The following ZNF445 variants were observed in gnomAD, a reference collection of about 807,000 sequenced individuals.
ZNF445 encodes the protein zinc finger protein 168.
Under a neutral mutation model 93.9 loss-of-function variants are expected in ZNF445, and 19 were observed. The observed-to-expected ratio is 0.20, with a 90% CI of 0.14 to 0.30. The LOEUF is 0.30. Ranked by LOEUF, ZNF445 falls within the 10% of genes least tolerant of loss-of-function variation. ZNF445 has a pLI of 1.00. For missense variants in ZNF445, 1,058 were observed against 1,259.4 expected (o/e 0.84, Z 2.42); for synonymous variants, 449 against 446.3 (o/e 1.01, Z -0.08).
chr3:44,476,052 G>T (rs1431393338), intron 1 of ZNF445, among the ~76,000 whole-genome samples: 2 of 151,982 alleles, frequency 1.3e-5, no homozygotes, highest in African/African-American at 4.8e-5. Flanking sequence ...TTTAAGAATA[G>T]GAAGGAAAAA....
In ZNF445 at chr3:44,451,339, T is replaced by C. The variant is rs368891546; in HGVS notation, c.573A>G (p.Ala191=). Residue 191 remains alanine, a synonymous_variant, in exon 4 of 8, where the codon GCA becomes GCG. Transcript: ENST00000396077. ...CGGATTGCCCAGCCAGGAAGTCACG[T>C]GCTTCTATTTCATAGGGAGGCTCCA... is the stretch of plus-strand genomic sequence containing the variant. ...DHLEPPYEIE[A]RDFLAGQSDT... 6.2e-7 allele frequency: 1 copy of C among 1,613,854 alleles called. No individual in the cohort carries two copies. Among genetic ancestry groups the C allele is most frequent in the Non-Finnish European group, 8.5e-7 (1 of 1,179,844 alleles).
intron 3 of ZNF445, among the ~76,000 whole-genome samples, chr3:44,454,179 G>A (rs1313428316): frequency 2.0e-5 from 3 of 151,398 alleles, no homozygotes; most frequent in South Asian, 4.2e-4. Context: ...AGCTGGGAGT[G>A]GTGGGGTATG....
chr3:44,473,198 C>T (rs1698295454), intron 1 of ZNF445, among the ~76,000 whole-genome samples: 2 of 152,144 alleles, frequency 1.3e-5, no homozygotes, highest in South Asian at 4.1e-4. Flanking sequence ...TGGCTCACAC[C>T]TGTAATCCCA....
At position 44,466,304 on chromosome 3, in the gene ZNF445, T is replaced by C. The variant is rs934133502; in HGVS notation, c.-268-7940A>G. On this transcript the variant is annotated intron_variant, in intron 1 of 7. Coordinates refer to ENST00000396077, the MANE Select transcript of ZNF445 (RefSeq NM_181489.6). The stretch of plus-strand genomic sequence containing the variant: ...ACTTGACAAACTTTCCAAAATCAAA[T>C]TATAAATTATGTCTCTTTCTAACCT... Among the ~76,000 whole-genome samples, 5 of 152,190 alleles carry C rather than the reference T, an allele frequency of 3.3e-5. 1 individual carries two copies. Among genetic ancestry groups the C allele is most frequent in the South Asian group, 4.1e-4 (2 of 4,834 alleles).
Position 44,446,499 on chromosome 3 carries a change from T to A in ZNF445, c.*76A>T. The A allele has an allele frequency of 6.4e-7, 1 of 1,574,582 alleles. No homozygotes were observed. Among genetic ancestry groups the A allele is most frequent in the East Asian group, 2.2e-5 (1 of 44,626 alleles). On this transcript the variant is annotated 3_prime_UTR_variant, in exon 8 of 8. Transcript: ENST00000396077. This position sits in a 1 kb window ranked among gnomAD's most constrained non-coding sequence, Gnocchi z 4.2. Reference sequence around the variant, plus strand: ...GGGCTGGGCCCTTTATCAAAGTTACTCCACAATGCCTATAATTAAGGGTTC... The same window carrying A: ...GGGCTGGGCCCTTTATCAAAGTTACACCACAATGCCTATAATTAAGGGTTC...
Position 44,447,059 on chromosome 3 carries a change from T to C in ZNF445, c.2612A>G (p.Asn871Ser). The C allele has an allele frequency of 6.2e-7, 1 of 1,614,224 alleles. No individual in the cohort carries two copies. The highest frequency in any genetic ancestry group is 8.5e-7 in the Non-Finnish European group (1 of 1,180,034). The change falls in exon 8 of 8, where the codon AAT (asparagine) becomes AGT (serine). Residue 871 changes from asparagine to serine, a missense_variant. Asn to Ser is a conservative substitution (Grantham distance 46). Around this residue, in one of 3 missense-constraint regions of ZNF445, gnomAD observed 387 missense variants for 475.7 expected, o/e 0.81. Coordinates refer to ENST00000396077, the MANE Select transcript of ZNF445 (RefSeq NM_181489.6). The surrounding 1 kb of genome is among the most constrained non-coding windows in gnomAD (Gnocchi z 4.7). ...IHSGEKRYKC[N>S]LCGKSYDRNY... is the part of the protein sequence containing the mutation. The stretch of plus-strand genomic sequence containing the variant: ...TCTATCATAAGATTTCCCACATAGA[T>C]TACATTTATAGCGCTTCTCTCCACT...
rs1029570898 is a variant in ZNF445, at chr3:44,437,093, A to G, written c.*9482T>C. The G allele has an allele frequency of 4.6e-5, 7 of 152,150 alleles. No homozygotes were observed. Among genetic ancestry groups the G allele is most frequent in the African/African-American group, 1.7e-4 (7 of 41,442 alleles). 9.4% of individuals were successfully genotyped at this position (152,150 alleles called of 1,614,324 possible). A position where few individuals can be genotyped will look rare whatever the true frequency, so the allele number is the denominator to read the frequency against. On this transcript the variant is annotated 3_prime_UTR_variant, in exon 8 of 8. Coordinates refer to ENST00000396077, the MANE Select transcript of ZNF445 (RefSeq NM_181489.6). ...TTGTCTATTTTATGGTTTCTTGATG[A>G]TATGCTAAACAAGGGGTGGATTATT...
rs1697767518 is a variant in ZNF445, at chr3:44,439,625, C to G, written c.*6950G>C. On this transcript the variant is annotated 3_prime_UTR_variant, in exon 8 of 8. Coordinates refer to ENST00000396077, the MANE Select transcript of ZNF445 (RefSeq NM_181489.6). ...GTCTGAGTTCAGCTCCACAAGGTCC[C>G]TCTTCCAATCTCCCACCTTTCAACA... 1 of 152,308 alleles carries G rather than the reference C, an allele frequency of 6.6e-6. No homozygotes were observed. The highest frequency in any genetic ancestry group is 2.4e-5 in the African/African-American group (1 of 41,466). The allele number at this position is 152,308 out of a possible 1,614,324, so 9.4% of individuals were successfully genotyped here.
chr3:44,449,654 G>A, intron 6 of ZNF445, 31 bp from the exon 7 acceptor site: 1 of 1,553,760 alleles, frequency 6.4e-7, no homozygotes, highest in East Asian at 2.2e-5. Flanking sequence ...GCATGAGAAG[G>A]GAGATGGATG....
Position 44,435,265 on chromosome 3 carries a change from T to C in ZNF445, c.*11310A>G, listed in dbSNP as rs1252240952. ...ATTTGAGAGCCATTCTCCCATCTCC[T>C]CACTGGACAGCCTTGTGAATAATTC... On this transcript the variant is annotated 3_prime_UTR_variant, in exon 8 of 8. Transcript: ENST00000396077. 6.6e-6 allele frequency: 1 copy of C among 152,176 alleles called. No individual in the cohort carries two copies. Among genetic ancestry groups the C allele is most frequent in the East Asian group, 1.9e-4 (1 of 5,198 alleles). The allele number at this position is 152,176 out of a possible 1,614,324, so 9.4% of individuals were successfully genotyped here.
chr3:44,463,045 GTGTGTGTA>G lies in ZNF445; in HGVS notation c.-268-4689_-268-4682del, dbSNP rs1293785107. On this transcript the variant is annotated intron_variant, in intron 1 of 7. Transcript: ENST00000396077. ...TGTGTGTGTGTGTGTGTGTGTGTGT[GTGTGTGTA>G]TGAGACAGAGTCTCAATCTGTTTCC... Among the ~76,000 whole-genome samples, 120 of 139,694 alleles carry G rather than the reference GTGTGTGTA, an allele frequency of 8.6e-4. 2 individuals carry two copies. Among genetic ancestry groups the G allele is most frequent in the African/African-American group, 3.1e-3 (117 of 38,232 alleles). 91.6% of individuals were successfully genotyped at this position (139,694 alleles called of 152,430 possible). A position where few individuals can be genotyped will look rare whatever the true frequency, so the allele number is the denominator to read the frequency against.
At position 44,438,118 on chromosome 3, in the gene ZNF445, T is replaced by A. The variant is rs1465485016; in HGVS notation, c.*8457A>T. 6.6e-6 allele frequency: 1 copy of A among 152,074 alleles called. No homozygotes were observed. The highest frequency in any genetic ancestry group is 1.9e-4 in the East Asian group (1 of 5,196). The allele number at this position is 152,074 out of a possible 1,614,324, so 9.4% of individuals were successfully genotyped here. A position where few individuals can be genotyped will look rare whatever the true frequency, so the allele number is the denominator to read the frequency against. ...ATAAAAATTGGCAAAATTATGCAATTTGGAGAGTACTGTATCTCCTCAGTC... is the reference window on the plus strand; with the variant it reads ...ATAAAAATTGGCAAAATTATGCAATATGGAGAGTACTGTATCTCCTCAGTC... On this transcript the variant is annotated 3_prime_UTR_variant, in exon 8 of 8. Coordinates refer to ENST00000396077, the MANE Select transcript of ZNF445 (RefSeq NM_181489.6).
In ZNF445 at chr3:44,450,947, TG is replaced by T; in HGVS notation, c.613del (p.Gln205ArgfsTer16). 6.3e-7 allele frequency: 1 copy of T among 1,596,288 alleles called. No individual in the cohort carries two copies. The highest frequency in any genetic ancestry group is 2.3e-5 in the East Asian group (1 of 44,090). On this transcript the variant is annotated frameshift_variant, in exon 5 of 8. Transcript: ENST00000396077. LOFTEE classifies it high-confidence loss of function. ...LAGQSDTPAA[Q>X]MPALFPREGC... The stretch of plus-strand genomic sequence containing the variant: ...CTCTCTCGGGAAAAGGGCAGGCATC[TG>T]GGCAGCAGGAGTATCTGAAGGAGAA...
In ZNF445 at chr3:44,450,664, T is replaced by A. The variant is rs1697944617; in HGVS notation, c.694-91A>T. On this transcript the variant is annotated intron_variant, in intron 5 of 7. Transcript: ENST00000396077. ...GGGGAATAAACTGGCTCTGTGTGAG[T>A]GCAGGATGGACCTGGCAAAGGTGAA... 1 of 1,526,398 alleles carries A rather than the reference T, an allele frequency of 6.6e-7. No individual in the cohort carries two copies. Among genetic ancestry groups the A allele is most frequent in the Non-Finnish European group, 8.8e-7 (1 of 1,129,980 alleles). The allele number at this position is 1,526,398 out of a possible 1,614,324, so 94.6% of individuals were successfully genotyped here.
chr3:44,470,939 C>T (rs537665901), intron 1 of ZNF445, among the ~76,000 whole-genome samples: 176 of 151,682 alleles, frequency 1.2e-3, no homozygotes, highest in Non-Finnish European at 2.0e-3. Flanking sequence ...GAAAAAAAAA[C>T]AGGCAAGTGA....
intron 1 of ZNF445, among the ~76,000 whole-genome samples, chr3:44,468,823 G>A (rs1203955386): frequency 6.6e-6 from 1 of 152,120 alleles, no homozygotes; most frequent in Non-Finnish European, 1.5e-5. Context: ...AATGCTGGGG[G>A]AGACTGCTTT....
chr3:44,472,414 T>C (rs1698281846), intron 1 of ZNF445, among the ~76,000 whole-genome samples: 1 of 152,244 alleles, frequency 6.6e-6, no homozygotes, highest in East Asian at 1.9e-4. Context: ...TTTCACTATA[T>C]TGCCCATGCT....
intron 1 of ZNF445, among the ~76,000 whole-genome samples, chr3:44,465,083 A>C (rs2125683957): frequency 6.6e-6 from 1 of 152,186 alleles, no homozygotes; most frequent in African/African-American, 2.4e-5. Context: ...AAAAAAAAAA[A>C]AAAAATCGCT....
At chr3:44,458,798 C>A (rs1245086656) in intron 1 of ZNF445, among the ~76,000 whole-genome samples, 1 of 152,132 alleles carries the variant, frequency 6.6e-6, no homozygotes, top group Admixed American at 6.6e-5. Context: ...GCCGTAAATT[C>A]TCTGACCTAT....
Sources: allele counts gnomAD v4.1 joint callset (sites outside exome capture counted in the v4.1 genomes callset), GRCh38; gene constraint gnomAD v4.1.1; regional missense constraint gnomAD v4.1.1; non-coding constraint Gnocchi (gnomAD v3.1); transcripts MANE v1.5; gene names NCBI Gene and HGNC (gene_info 2026-07-23, HGNC 2026-07-21).